Variants in TAFA2 observed in about 807,000 individuals in gnomAD.
TAFA2 encodes the protein chemokine-like protein TAFA-2.
In TAFA2, 7 loss-of-function variants were observed where a neutral mutation model predicts 18.8. The ratio of observed to expected loss-of-function variants is 0.37; its 90% CI spans 0.21 to 0.70. TAFA2 has a LOEUF of 0.70. Among genes scored for constraint, TAFA2 ranks in the 30% least tolerant of loss-of-function variants. The pLI is 0.53. For missense variants in TAFA2, 122 were observed against 158.1 expected (o/e 0.77, Z 1.23); for synonymous variants, 60 against 54.2 (o/e 1.11, Z -0.47).
intron 1 of TAFA2, among the ~76,000 whole-genome samples, chr12:62,077,277 A>G (rs998777076): frequency 6.6e-6 from 1 of 152,212 alleles, no homozygotes; most frequent in Non-Finnish European, 1.5e-5. Context: ...TTTAATGAGG[A>G]TGCTTTTATT....
chr12:61,976,971 CCGT>C (rs1879459767), intron 1 of TAFA2, among the ~76,000 whole-genome samples: 1 of 151,968 alleles, frequency 6.6e-6, no homozygotes, highest in African/African-American at 2.4e-5. Context: ...GTGAATAGTG[CCGT>C]AATAAACATA....
chr12:62,228,594 T>C (rs2062798162), intron 1 of TAFA2, among the ~76,000 whole-genome samples: 1 of 152,226 alleles, frequency 6.6e-6, no homozygotes, highest in Admixed American at 6.5e-5. Flanking sequence ...TAGTATAAGA[T>C]AGTATCTCAC....
chr12:61,901,256 T>A (rs1876086195), intron 1 of TAFA2, among the ~76,000 whole-genome samples: 1 of 33,138 alleles, frequency 3.0e-5, no homozygotes. Flanking sequence ...CTCTTCAATT[T>A]CACTTTTTTT....
chr12:61,824,835 T>C (rs555524308), intron 2 of TAFA2, among the ~76,000 whole-genome samples: 1 of 152,190 alleles, frequency 6.6e-6, no homozygotes, highest in Non-Finnish European at 1.5e-5. Context: ...TATAACTTTG[T>C]CGCACTAAGT....
At chr12:61,865,394 A>C (rs1394281750) in intron 2 of TAFA2, among the ~76,000 whole-genome samples, 1 of 152,230 alleles carries the variant, frequency 6.6e-6, no homozygotes, top group Non-Finnish European at 1.5e-5. Context: ...TATTTTGTAC[A>C]GAAAATAAAA....
At chr12:62,160,766 C>T (rs1193727128) in intron 1 of TAFA2, among the ~76,000 whole-genome samples, 1 of 152,100 alleles carries the variant, frequency 6.6e-6, no homozygotes, top group African/African-American at 2.4e-5. Context: ...GTTCTATACC[C>T]ATTAGGTAAA....
intron 1 of TAFA2, among the ~76,000 whole-genome samples, chr12:62,215,979 G>T (rs1012039399): frequency 6.6e-6 from 1 of 152,084 alleles, no homozygotes; most frequent in African/African-American, 2.4e-5. Flanking sequence ...GTATCACCAT[G>T]GCAAGTGAAT....
chr12:62,166,756 A>G (rs767202443), intron 1 of TAFA2, among the ~76,000 whole-genome samples: 4 of 152,202 alleles, frequency 2.6e-5, no homozygotes, highest in Non-Finnish European at 4.4e-5. Flanking sequence ...TTAGAAGTTG[A>G]GCAACATGAC....
At chr12:61,957,414 G>A (rs1453646657) in intron 1 of TAFA2, among the ~76,000 whole-genome samples, 1 of 152,130 alleles carries the variant, frequency 6.6e-6, no homozygotes, top group Admixed American at 6.6e-5. Flanking sequence ...AGAGTGAGGG[G>A]TCAGTGGATG....
At position 61,912,693 on chromosome 12, in the gene TAFA2, A is replaced by C. The variant is rs189119247; in HGVS notation, c.-1-45267T>G. Reference sequence around the variant, plus strand: ...TGCCACCATCGTGTCAGCATCCAAAAGTGGAAACACACTCCTGTTCACTTC... The same window carrying C: ...TGCCACCATCGTGTCAGCATCCAAACGTGGAAACACACTCCTGTTCACTTC... On this transcript the variant is annotated intron_variant, in intron 1 of 4. Transcript: ENST00000416284. Among the ~76,000 whole-genome samples the C allele has an allele frequency of 5.0e-3, 766 of 152,326 alleles. 10 individuals carry two copies. Among genetic ancestry groups the C allele is most frequent in the African/African-American group, 0.017 (725 of 41,576 alleles).
chr12:61,816,561 T>C (rs1218180428), intron 2 of TAFA2, among the ~76,000 whole-genome samples: 1 of 151,388 alleles, frequency 6.6e-6, no homozygotes. Flanking sequence ...CTGGGTCAAA[T>C]GGTAGTTCTG....
At chr12:62,114,657 C>T (rs1371038624) in intron 1 of TAFA2, among the ~76,000 whole-genome samples, 2 of 152,194 alleles carry the variant, frequency 1.3e-5, no homozygotes, top group African/African-American at 4.8e-5. Flanking sequence ...TATCCCAATA[C>T]TGTGGAGCGT....
chr12:61,754,748 C>T (rs1028164117), intron 3 of TAFA2, 124 bp downstream of exon 3: 2 of 933,092 alleles, frequency 2.1e-6, no homozygotes, highest in Non-Finnish European at 3.0e-6. Flanking sequence ...CTAGTTTCAA[C>T]TTATCATGGT....
chr12:61,953,206 G>GA (rs1013360933), intron 1 of TAFA2, among the ~76,000 whole-genome samples: 1 of 151,652 alleles, frequency 6.6e-6, no homozygotes, highest in Non-Finnish European at 1.5e-5. Context: ...ACTTTCCAAA[G>GA]AAAAAAACTG....
chr12:61,745,742 G>A (rs184815366), intron 4 of TAFA2, among the ~76,000 whole-genome samples: 11 of 152,128 alleles, frequency 7.2e-5, no homozygotes, highest in Non-Finnish European at 4.4e-5. Context: ...AGATTCTGCA[G>A]ATGTAATTAT....
At chr12:61,831,278 T>A (rs369612045) in intron 2 of TAFA2, among the ~76,000 whole-genome samples, 1 of 152,172 alleles carries the variant, frequency 6.6e-6, no homozygotes, top group South Asian at 2.1e-4. Flanking sequence ...ATTGCTGTCA[T>A]TAACAGTTTA....
chr12:62,123,775 CACACAT>C (rs1210123326), intron 1 of TAFA2, among the ~76,000 whole-genome samples: 64 of 113,200 alleles, frequency 5.7e-4, no homozygotes, highest in East Asian at 2.9e-3. Flanking sequence ...TCCCCCACCA[CACACAT>C]ACACACACAC....
chr12:62,025,770 G>C (rs917830752), intron 1 of TAFA2, among the ~76,000 whole-genome samples: 1 of 152,024 alleles, frequency 6.6e-6, no homozygotes, highest in South Asian at 2.1e-4. Flanking sequence ...GAAAAATTAG[G>C]ACAATTCAAA....
chr12:62,203,722 G>T (rs2136969121), intron 1 of TAFA2, among the ~76,000 whole-genome samples: 1 of 152,296 alleles, frequency 6.6e-6, no homozygotes, highest in Non-Finnish European at 1.5e-5. Context: ...TTGAGCCTAT[G>T]TGTGTCTTCG....
Sources: allele counts gnomAD v4.1 joint callset (sites outside exome capture counted in the v4.1 genomes callset), GRCh38; gene constraint gnomAD v4.1.1; transcripts MANE v1.5; gene names NCBI Gene and HGNC (gene_info 2026-07-23, HGNC 2026-07-21).